The following CA5A variants were observed in gnomAD, a reference collection of about 807,000 sequenced individuals.
The protein encoded by CA5A is carbonic anhydrase 5A, also known as carbonic anhydrase 5A, mitochondrial.
Under a neutral mutation model 37.1 loss-of-function variants are expected in CA5A, and 28 were observed. The observed-to-expected ratio is 0.75, with a 90% CI of 0.56 to 1.03. The LOEUF (loss-of-function observed/expected upper bound fraction) is 1.03, where lower values mean the gene tolerates loss of function less well. CA5A is among the 50% of genes least tolerant of loss of function. The pLI is 0.00. For synonymous variants in CA5A, 171 were observed against 158.4 expected (o/e 1.08, Z -0.60); for missense variants, 444 against 399.9 (o/e 1.11, Z -0.94).
At chr16:87,900,315 G>C (rs2055860814) in intron 5 of CA5A, among the ~76,000 whole-genome samples, 1 of 152,218 alleles carries the variant, frequency 6.6e-6, no homozygotes, top group Non-Finnish European at 1.5e-5. Flanking sequence ...CCGTGGCCTT[G>C]TGAAGTTCCT....
intron 2 of CA5A, among the ~76,000 whole-genome samples, chr16:87,925,816 C>T (rs188832881): frequency 1.0e-3 from 152 of 152,156 alleles, no homozygotes; most frequent in East Asian, 6.8e-3. Flanking sequence ...CCCACCCCGT[C>T]CCTCCACCAC....
chr16:87,888,827 G>A lies in CA5A; in HGVS notation c.775-555C>T, dbSNP rs201264846. Among the ~76,000 whole-genome samples, 12 of 152,138 alleles carry A rather than the reference G, an allele frequency of 7.9e-5. No homozygotes were observed. The East Asian group carries it at 1.2e-3, about 15-fold the overall frequency. ...AGTGTCATTGGCGAGATCTCAGCTC[G>A]CTGCAACCTCCGCCTCCCAGGTTCA... On this transcript the variant is annotated intron_variant, in intron 6 of 6. Coordinates refer to ENST00000649794, the MANE Select transcript of CA5A (RefSeq NM_001739.2).
chr16:87,921,622 G>C (rs991664182), intron 2 of CA5A, among the ~76,000 whole-genome samples: 5 of 152,190 alleles, frequency 3.3e-5, no homozygotes, highest in African/African-American at 1.2e-4. Context: ...CCTGTTTCTG[G>C]ACCCCGTGAA....
chr16:87,902,213 G>T (rs2055888956), intron 4 of CA5A, among the ~76,000 whole-genome samples: 1 of 152,032 alleles, frequency 6.6e-6, no homozygotes, highest in Non-Finnish European at 1.5e-5. Context: ...AATTAGCTGG[G>T]TGTGGTGGCA....
chr16:87,895,178 A>T (rs1465336721), intron 5 of CA5A, among the ~76,000 whole-genome samples: 1 of 152,136 alleles, frequency 6.6e-6, no homozygotes, highest in Non-Finnish European at 1.5e-5. Context: ...TGAGCCCCGG[A>T]GGTTGAGGCT....
At chr16:87,899,130 G>C (rs1218506312) in intron 5 of CA5A, among the ~76,000 whole-genome samples, 1 of 151,992 alleles carries the variant, frequency 6.6e-6, no homozygotes, top group Non-Finnish European at 1.5e-5. Context: ...CTGAACCCAG[G>C]AGTCCAACTG....
rs1439563989 is a variant in CA5A, at chr16:87,911,941, G to T, written c.341-7037C>A. On this transcript the variant is annotated intron_variant, in intron 2 of 6. Transcript: ENST00000649794. This position sits in a 1 kb window ranked among gnomAD's most constrained non-coding sequence, Gnocchi z 4.6. ...GTACCTCCCTCACAGTCCCTGGCAC[G>T]CAGTGAGAGCTCAAATAATGGTAGC... 6.6e-6 allele frequency among the ~76,000 whole-genome samples: 1 copy of T among 152,188 alleles called. No homozygotes were observed. The highest frequency in any genetic ancestry group is 1.5e-5 in the Non-Finnish European group (1 of 68,040).
intron 6 of CA5A, 103 bp downstream of exon 6, chr16:87,891,696 T>C: frequency 9.6e-7 from 1 of 1,039,608 alleles, no homozygotes; most frequent in South Asian, 2.1e-5. Context: ...TGAAAGAATA[T>C]ATATAACTCC....
At chr16:87,906,151 A>G (rs1005865848) in intron 2 of CA5A, among the ~76,000 whole-genome samples, 23 of 152,140 alleles carry the variant, frequency 1.5e-4, no homozygotes, top group African/African-American at 5.1e-4. Flanking sequence ...TGGCTGGGCA[A>G]GGCTGGAAGG....
intron 2 of CA5A, among the ~76,000 whole-genome samples, chr16:87,913,943 T>C (rs7199554): frequency 0.79 from 119,861 of 152,116 alleles, 48,078 homozygotes; most frequent in African/African-American, 0.93. Context: ...TAAGTGATGT[T>C]CACCACAAGA....
At chr16:87,918,468 C>T (rs1394831986) in intron 2 of CA5A, among the ~76,000 whole-genome samples, 1 of 152,086 alleles carries the variant, frequency 6.6e-6, no homozygotes, top group Non-Finnish European at 1.5e-5. Context: ...CTTGCCGCCA[C>T]CTCTGTTACT....
chr16:87,891,859 C>T lies in CA5A; in HGVS notation c.714G>A (p.Pro238=), dbSNP rs749945060. The T allele has an allele frequency of 2.5e-5, 39 of 1,578,066 alleles. No individual in the cohort carries two copies. The Middle Eastern group carries it at 9.0e-4, about 36-fold the overall frequency. The change falls in exon 6 of 7, where the codon CCG becomes CCA. Residue 238 remains proline, a synonymous_variant. Coordinates refer to ENST00000649794, the MANE Select transcript of CA5A (RefSeq NM_001739.2). The part of the protein sequence containing the change: ...WTYAGSLTTP[P]LTESVTWIIQ... ...TGATCCAGGTGACCGACTCGGTCAG[C>T]GGCGGGGTGGTGAGCGAGCCCGCGT...
At chr16:87,892,069 T>G (rs2055724937) in intron 5 of CA5A, 115 bp from the exon 6 acceptor site, 1 of 971,650 alleles carries the variant, frequency 1.0e-6, no homozygotes, top group Non-Finnish European at 1.5e-6. Context: ...TTCCCCCAGA[T>G]AAGGCCATGA....
chr16:87,926,024 A>C (rs1223882311), intron 2 of CA5A, among the ~76,000 whole-genome samples: 1 of 152,152 alleles, frequency 6.6e-6, no homozygotes, highest in Non-Finnish European at 1.5e-5. Context: ...GGGGTTCGAG[A>C]GCAGCCTGGC....
At chr16:87,892,939 GC>G in intron 5 of CA5A, 1 of 792,448 alleles carries the variant, frequency 1.3e-6, no homozygotes, top group Non-Finnish European at 2.1e-6. Context: ...GAGCCACTGT[GC>G]CCGGCCTATG....
chr16:87,928,739 CTGGATTA>C (rs147716594), intron 1 of CA5A, among the ~76,000 whole-genome samples: 24,767 of 135,942 alleles, frequency 0.18, 2,477 homozygotes, highest in Admixed American at 0.25. Flanking sequence ...GTATTCTCAT[CTGGATTA>C]TTTTCTTTTC....
At chr16:87,893,013 G>A in intron 5 of CA5A, 1 of 1,236,038 alleles carries the variant, frequency 8.1e-7, no homozygotes, top group East Asian at 2.5e-5. Flanking sequence ...TAAGCACCCG[G>A]AGATGGCAGA....
intron 2 of CA5A, among the ~76,000 whole-genome samples, chr16:87,917,697 G>A (rs921730769): frequency 2.1e-4 from 29 of 136,688 alleles, no homozygotes; most frequent in African/African-American, 7.5e-4. Context: ...ATGCACACCC[G>A]CACACGAACA....
At chr16:87,903,080 A>G (rs2055904599) in intron 3 of CA5A, among the ~76,000 whole-genome samples, 2 of 152,018 alleles carry the variant, frequency 1.3e-5, no homozygotes, top group Non-Finnish European at 2.9e-5. Context: ...TCCAATAGAA[A>G]TGGGTGGTTT....
Sources: allele counts gnomAD v4.1 joint callset (sites outside exome capture counted in the v4.1 genomes callset), GRCh38; gene constraint gnomAD v4.1.1; non-coding constraint Gnocchi (gnomAD v3.1); transcripts MANE v1.5; gene names NCBI Gene and HGNC (gene_info 2026-07-23, HGNC 2026-07-21).